The following HR variants were observed in gnomAD, a reference collection of about 807,000 sequenced individuals.
HR encodes the protein lysine-specific demethylase hairless.
Under a neutral mutation model 128.6 loss-of-function variants are expected in HR, and 83 were observed. The ratio of observed to expected loss-of-function variants is 0.65; its 90% CI spans 0.54 to 0.77. The LOEUF is 0.77. Ranked by LOEUF, HR falls within the 30% of genes least tolerant of loss-of-function variation. HR has a pLI of 0.00. For synonymous variants in HR, 681 were observed against 658.2 expected (o/e 1.03, Z -0.53); for missense variants, 1,490 against 1,574.6 (o/e 0.95, Z 0.91).
chr8:22,117,199 TG>T (rs1445502344), intron 16 of HR, 160 bp from the exon 17 acceptor site: 6 of 701,912 alleles, frequency 8.5e-6, no homozygotes, highest in Non-Finnish European at 1.4e-5. Flanking sequence ...TGTTTGGGGC[TG>T]GGGCAGCTCA....
Position 22,116,140 on chromosome 8 carries a change from A to C in HR, c.3507+160T>G, listed in dbSNP as rs999740008. Among the ~76,000 whole-genome samples the C allele has an allele frequency of 2.0e-5, 3 of 152,200 alleles. No individual in the cohort carries two copies. Among genetic ancestry groups the C allele is most frequent in the African/African-American group, 7.2e-5 (3 of 41,448 alleles). ...ACAGAACAAGACTCCATCTCAAAAAACAAAATGAAACAAACTAAACAAAAG... is the reference window on the plus strand; with the variant it reads ...ACAGAACAAGACTCCATCTCAAAAACCAAAATGAAACAAACTAAACAAAAG... On this transcript the variant is annotated intron_variant, in intron 18 of 18. Coordinates refer to ENST00000381418, the MANE Select transcript of HR (RefSeq NM_005144.5). This position sits in a 1 kb window ranked among gnomAD's most constrained non-coding sequence, Gnocchi z 4.2.
intron 8 of HR, 58 bp from the exon 9 acceptor site, chr8:22,121,752 C>A (rs1270380625): frequency 3.9e-6 from 6 of 1,521,044 alleles, no homozygotes; most frequent in Non-Finnish European, 3.6e-6. Flanking sequence ...ATGGCAGACA[C>A]AATTCAACAG....
At chr8:22,123,582 A>G in intron 6 of HR, 67 bp downstream of exon 6, 1 of 1,461,806 alleles carries the variant, frequency 6.8e-7, no homozygotes. Flanking sequence ...CCAACGAATG[A>G]CCACAGGCTT....
At chr8:22,128,157 C>T in intron 2 of HR, 1 of 517,002 alleles carries the variant, frequency 1.9e-6, no homozygotes, top group Non-Finnish European at 3.5e-6. Flanking sequence ...ACATCTCATC[C>T]CTGGGAGTGG....
intron 8 of HR, 70 bp downstream of exon 8, chr8:22,122,423 G>T (rs903653416): frequency 3.3e-5 from 37 of 1,119,890 alleles, no homozygotes; most frequent in Non-Finnish European, 2.5e-5. Flanking sequence ...GAAAAGGGGG[G>T]GCCAAACCCC....
Position 22,119,368 on chromosome 8 carries a change from G to A in HR, c.2978-85C>T, listed in dbSNP as rs1240903813. The A allele has an allele frequency of 3.8e-6, 6 of 1,584,020 alleles. No individual in the cohort carries two copies. The Admixed American group carries it at 1.1e-4, about 28-fold the overall frequency. ...TCACGCCTGTAATCCTGGCACTTTG[G>A]GAGGCCCAGGCGGGCAGATCACCTG... On this transcript the variant is annotated intron_variant, in intron 14 of 18. Coordinates refer to ENST00000381418, the MANE Select transcript of HR (RefSeq NM_005144.5).
intron 5 of HR, among the ~76,000 whole-genome samples, chr8:22,124,962 C>T (rs901721995): frequency 2.2e-4 from 34 of 152,146 alleles, no homozygotes; most frequent in African/African-American, 6.8e-4. Flanking sequence ...CTCTGTGCTG[C>T]GGAAGGGCGA....
At chr8:22,117,561 A>G (rs1225800612) in intron 16 of HR, 1 of 153,872 alleles carries the variant, frequency 6.5e-6, no homozygotes, top group African/African-American at 2.4e-5. Context: ...AGAAAAGGGA[A>G]GGACCACTGC....
chr8:22,116,331 A>C lies in HR; in HGVS notation c.3476T>G (p.Leu1159Arg). ...SAQLCHQGPS[L>R]PPDCHLLYAQ... ...ATAAAGCAGGTGGCAGTCAGGGGGAAGGCTGGGTCCCTGGTGGCAGAGCTG... is the reference window on the plus strand; with the variant it reads ...ATAAAGCAGGTGGCAGTCAGGGGGACGGCTGGGTCCCTGGTGGCAGAGCTG... The change falls in exon 18 of 19, where the codon CTT (leucine) becomes CGT (arginine). Residue 1159 changes from leucine to arginine, a missense_variant. By Grantham distance (102) the Leu-to-Arg change is moderately radical. Transcript: ENST00000381418. This position sits in a 1 kb window ranked among gnomAD's most constrained non-coding sequence, Gnocchi z 4.2. 1 of 1,612,588 alleles carries C rather than the reference A, an allele frequency of 6.2e-7. No individual in the cohort carries two copies. The highest frequency in any genetic ancestry group is 2.0e-4 in the Middle Eastern group (1 of 5,054).
At chr8:22,115,795 A>T (rs377154426) in intron 18 of HR, 33 bp from the exon 19 acceptor site, 3 of 1,606,926 alleles carry the variant, frequency 1.9e-6, no homozygotes, top group Non-Finnish European at 2.6e-6. Context: ...AGCATTTTCA[A>T]CTACATTCCT....
At chr8:22,121,719 C>T (rs369032479) in intron 8 of HR, 25 bp from the exon 9 acceptor site, 67 of 1,604,752 alleles carry the variant, frequency 4.2e-5, no homozygotes, top group Non-Finnish European at 5.4e-5. Context: ...CACCACCCCC[C>T]CAATCCAACC....
At chr8:22,128,458 T>C (rs1449968231) in intron 2 of HR, 101 bp downstream of exon 2, 2 of 1,508,762 alleles carry the variant, frequency 1.3e-6, no homozygotes, top group African/African-American at 2.7e-5. Context: ...TCTACCTCGG[T>C]GCTGCCTTCT....
rs766155172 is a variant in HR at position 22,121,638 on chromosome 8, G to A, written c.2178C>T (p.Thr726=). The A allele has an allele frequency of 1.2e-6, 2 of 1,613,974 alleles. No individual in the cohort carries two copies. The highest frequency in any genetic ancestry group is 1.7e-5 in the Admixed American group (1 of 59,994). Residue 726 remains threonine (T), a synonymous_variant, in exon 9 of 19, where the codon ACC becomes ACT. Transcript: ENST00000381418. ...CCTCTTTGATGCTCTTGGTCCTGTGGGTGTCGCCATTGCAGGAAGGTTGTG... is the reference window on the plus strand; with the variant it reads ...CCTCTTTGATGCTCTTGGTCCTGTGAGTGTCGCCATTGCAGGAAGGTTGTG... ...PTPQPSCNGD[T]HRTKSIKEET... is the part of the protein sequence containing the mutation.
At chr8:22,129,881 T>C (rs1827004546) in intron 1 of HR, among the ~76,000 whole-genome samples, 1 of 151,974 alleles carries the variant, frequency 6.6e-6, no homozygotes, top group Non-Finnish European at 1.5e-5. Context: ...TCAAGCAGAG[T>C]CCCAGGACAA....
rs757040241 is a variant in HR at position 22,121,716 on chromosome 8, C to A, written c.2122-22G>T. On this transcript the variant is annotated intron_variant, in intron 8 of 18. Coordinates refer to ENST00000381418, the MANE Select transcript of HR (RefSeq NM_005144.5). ...CCTTCTGTTAAACCCATCCACCACC[C>A]CCCCAATCCAACCAGAGATTTTAAA... 88 of 1,609,068 alleles carry A rather than the reference C, an allele frequency of 5.5e-5. 1 individual carries two copies. Among genetic ancestry groups the A allele is most frequent in the Middle Eastern group, 1.6e-4 (1 of 6,074 alleles).
chr8:22,125,048 G>A (rs768336035), intron 5 of HR, among the ~76,000 whole-genome samples: 78 of 152,194 alleles, frequency 5.1e-4, no homozygotes, highest in Non-Finnish European at 9.9e-4. Flanking sequence ...AGCTTCGCCT[G>A]ACCCCCAAGC....
chr8:22,120,343 C>G lies in HR; in HGVS notation c.2775G>C (p.Glu925Asp). The G allele has an allele frequency of 1.2e-6, 2 of 1,613,820 alleles. No individual in the cohort carries two copies. Among genetic ancestry groups the G allele is most frequent in the Non-Finnish European group, 1.7e-6 (2 of 1,180,010 alleles). Reference protein sequence around the residue: ...TTFWEGFSWPELRPKSDEGSV... With the variant: ...TTFWEGFSWPDLRPKSDEGSV... ...CTCCCCTGTGTTGGGGACACTTACG[C>G]TCAGGCCAGGAGAAGCCCTCCCAGA... The change falls in exon 12 of 19, where the codon GAG becomes GAC. Residue 925 changes from glutamate to aspartate, a missense_variant and splice_region_variant. This residue lies in a region of HR where 423 missense variants were observed against 495.9 expected (regional missense o/e 0.85). Coordinates refer to ENST00000381418, the MANE Select transcript of HR (RefSeq NM_005144.5).
intron 3 of HR, 150 bp from the exon 4 acceptor site, chr8:22,125,882 G>A (rs1826876971): frequency 1.1e-6 from 1 of 905,342 alleles, no homozygotes; most frequent in African/African-American, 1.7e-5. Context: ...CAGCAAGAGT[G>A]GACCAGGCAG....
chr8:22,119,797 G>T lies in HR; in HGVS notation c.2940C>A (p.Ala980=). The T allele has an allele frequency of 6.2e-7, 1 of 1,613,610 alleles. No homozygotes were observed. Among genetic ancestry groups the T allele is most frequent in the Non-Finnish European group, 8.5e-7 (1 of 1,179,880 alleles). The part of the protein sequence containing the change: ...NLASYLPPGL[A]LRPLEPQLWA... ...AGAGCTGGGGCTCCAGTGGACGCAG[G>T]GCAAGGCCCGGTGGGAGGTAGGAAG... is the stretch of plus-strand genomic sequence containing the variant. The change falls in exon 14 of 19, where the codon GCC becomes GCA. Residue 980 remains alanine (A), a synonymous_variant. Coordinates refer to ENST00000381418, the MANE Select transcript of HR (RefSeq NM_005144.5).
Sources: gnomAD v4.1 joint callset for allele counts (sites outside exome capture counted in the v4.1 genomes callset) on GRCh38, gnomAD v4.1.1 for gene constraint, gnomAD v4.1.1 regional missense constraint, Gnocchi (gnomAD v3.1) non-coding constraint, MANE v1.5 for transcripts, NCBI Gene and HGNC (gene_info 2026-07-23, HGNC 2026-07-21) for gene names.